Variants in NWD2 observed in about 807,000 individuals in gnomAD.
NWD2 encodes NACHT and WD repeat domain-containing protein 2.
A neutral mutation model predicts 132.7 loss-of-function variants in NWD2; 37 were observed. That is an observed-to-expected ratio of 0.28 (90% CI 0.21 to 0.37). The LOEUF is 0.37. Ranked by LOEUF, NWD2 falls within the 10% of genes least tolerant of loss-of-function variation. The pLI is 1.00. For synonymous variants in NWD2, 705 were observed against 803.0 expected, an observed-to-expected ratio of 0.88 and a Z score of 2.06; for missense variants, 1,592 against 2,122.4, an observed-to-expected ratio of 0.75 and a Z score of 4.91.
chr4:37,247,657 T>G (rs1354755608), intron 1 of NWD2, among the ~76,000 whole-genome samples: 3 of 152,090 alleles, frequency 2.0e-5, no homozygotes, highest in African/African-American at 4.8e-5. Context: ...TCACCCAGGC[T>G]GGAGTGCAGT....
chr4:37,260,587 A>G (rs1295112844), intron 1 of NWD2, among the ~76,000 whole-genome samples: 11 of 152,218 alleles, frequency 7.2e-5, no homozygotes, highest in Admixed American at 5.9e-4. Flanking sequence ...GTATTCATAC[A>G]TGTAAACTAT....
intron 3 of NWD2, among the ~76,000 whole-genome samples, chr4:37,394,388 C>G: frequency 6.6e-6 from 1 of 151,552 alleles, no homozygotes; most frequent in South Asian, 2.1e-4. Context: ...ACATAAATAA[C>G]AGTTATTGAT....
chr4:37,356,572 T>C, intron 3 of NWD2, 90 bp downstream of exon 3: 1 of 850,348 alleles, frequency 1.2e-6, no homozygotes, highest in Non-Finnish European at 1.8e-6. Flanking sequence ...GTTTTTTAAA[T>C]GAGGGGGAAA....
At chr4:37,389,785 A>ATTT (rs5857564) in intron 3 of NWD2, among the ~76,000 whole-genome samples, 8 of 149,314 alleles carry the variant, frequency 5.4e-5, no homozygotes, top group African/African-American at 2.0e-4. Context: ...AATCATACGC[A>ATTT]TTTTTTTTTT....
In NWD2 at chr4:37,416,777, G is replaced by A. The variant is rs527877015; in HGVS notation, c.358-13795G>A. On this transcript the variant is annotated intron_variant, in intron 3 of 6. Transcript: ENST00000309447. ...TAGAATACTACTCAGCTATAAAAAG[G>A]AATGAAATAATGGTATTTGCAGCAA... Among the ~76,000 whole-genome samples the A allele has an allele frequency of 4.6e-5, 7 of 152,306 alleles. No homozygotes were observed. In the South Asian group the frequency reaches 1.5e-3, roughly 32 times the overall value.
chr4:37,432,387 G>T (rs892208789), intron 4 of NWD2, among the ~76,000 whole-genome samples: 19 of 140,912 alleles, frequency 1.3e-4, no homozygotes, highest in Non-Finnish European at 2.0e-4. Context: ...AAAAAATCAA[G>T]AAAATTGATC....
At position 37,445,873 on chromosome 4, in the gene NWD2, T is replaced by C. The variant is rs1712622497; in HGVS notation, c.3885T>C (p.Ser1295=). 6.4e-7 allele frequency: 1 copy of C among 1,551,838 alleles called. No individual in the cohort carries two copies. Among genetic ancestry groups the C allele is most frequent in the African/African-American group, 1.4e-5 (1 of 73,016 alleles). ...ATATGCTACTGTCTTTATCAACCAG[T>C]GGTGTTCTTTCCATTTGGGACATAG... The part of the protein sequence containing the change: ...HHNMLLSLST[S]GVLSIWDIDI... The change falls in exon 7 of 7, where the codon AGT becomes AGC. Residue 1295 remains serine, a synonymous_variant. Transcript: ENST00000309447. The surrounding 1 kb of genome is among the most constrained non-coding windows in gnomAD (Gnocchi z 4.7).
chr4:37,418,023 C>T (rs1303245467), intron 3 of NWD2, among the ~76,000 whole-genome samples: 2 of 152,082 alleles, frequency 1.3e-5, no homozygotes, highest in Non-Finnish European at 1.5e-5. Context: ...GTAGCAACAA[C>T]AACATCTAGC....
At chr4:37,249,041 G>C (rs1270811580) in intron 1 of NWD2, among the ~76,000 whole-genome samples, 1 of 152,226 alleles carries the variant, frequency 6.6e-6, no homozygotes, top group African/African-American at 2.4e-5. Flanking sequence ...ATGTCTATCT[G>C]ATATGGTAAC....
intron 3 of NWD2, among the ~76,000 whole-genome samples, chr4:37,388,665 T>C (rs988538462): frequency 1.4e-5 from 2 of 147,652 alleles, no homozygotes; most frequent in South Asian, 4.2e-4. Context: ...ATATATATCA[T>C]ATATAAATAT....
intron 3 of NWD2, among the ~76,000 whole-genome samples, chr4:37,363,478 C>A (rs1720023520): frequency 1.3e-5 from 2 of 152,272 alleles, no homozygotes; most frequent in South Asian, 4.1e-4. Context: ...AAATTATGTT[C>A]TTTGTAGCAA....
Position 37,443,131 on chromosome 4 carries a change from T to G in NWD2, c.1297-154T>G, listed in dbSNP as rs1390494902. Among the ~76,000 whole-genome samples, 1 of 152,224 alleles carries G rather than the reference T, an allele frequency of 6.6e-6. No homozygotes were observed. Among genetic ancestry groups the G allele is most frequent in the Non-Finnish European group, 1.5e-5 (1 of 68,040 alleles). On this transcript the variant is annotated intron_variant, in intron 6 of 6. Transcript: ENST00000309447. The surrounding 1 kb of genome is among the most constrained non-coding windows in gnomAD (Gnocchi z 4.1). ...GTACACAAGCTTCATGGCAGTTCTT[T>G]GGCCTTCTCAGAGGGTTTTTCCAAT... is the stretch of plus-strand genomic sequence containing the variant.
At chr4:37,420,320 T>G (rs952833091) in intron 3 of NWD2, among the ~76,000 whole-genome samples, 1 of 152,190 alleles carries the variant, frequency 6.6e-6, no homozygotes, top group Non-Finnish European at 1.5e-5. Flanking sequence ...GATCCTCAAC[T>G]CCACCCTCTT....
intron 2 of NWD2, among the ~76,000 whole-genome samples, chr4:37,342,852 C>G (rs945249296): frequency 6.6e-5 from 10 of 152,180 alleles, no homozygotes; most frequent in Non-Finnish European, 1.5e-4. Flanking sequence ...TTGTTGGTCT[C>G]CTTCTTTCTA....
At chr4:37,385,971 A>C (rs2109310025) in intron 3 of NWD2, among the ~76,000 whole-genome samples, 1 of 152,286 alleles carries the variant, frequency 6.6e-6, no homozygotes, top group South Asian at 2.1e-4. Context: ...AGAAATACTT[A>C]ATTTGGAGAT....
chr4:37,265,474 C>A (rs559707851), intron 1 of NWD2, among the ~76,000 whole-genome samples: 10 of 152,110 alleles, frequency 6.6e-5, no homozygotes, highest in Non-Finnish European at 1.5e-4. Flanking sequence ...AATTCAGTTT[C>A]ACTGGTCTGA....
At chr4:37,391,875 CAT>C (rs79030443) in intron 3 of NWD2, among the ~76,000 whole-genome samples, 36,591 of 152,048 alleles carry the variant, frequency 0.24, 5,112 homozygotes, top group Admixed American at 0.31. Flanking sequence ...ATATTCTGCA[CAT>C]GTCTTCATCA....
intron 3 of NWD2, among the ~76,000 whole-genome samples, chr4:37,369,807 T>C (rs1432371811): frequency 6.6e-6 from 1 of 152,214 alleles, no homozygotes; most frequent in African/African-American, 2.4e-5. Context: ...AAATATTCTC[T>C]TCCCTGCTTG....
chr4:37,396,073 C>T (rs1720787105), intron 3 of NWD2, among the ~76,000 whole-genome samples: 1 of 152,186 alleles, frequency 6.6e-6, no homozygotes, highest in African/African-American at 2.4e-5. Context: ...TTGAGCTCAG[C>T]CCCTTCAGTA....
Sources: gnomAD v4.1 joint callset for allele counts (sites outside exome capture counted in the v4.1 genomes callset) on GRCh38, gnomAD v4.1.1 for gene constraint, Gnocchi (gnomAD v3.1) non-coding constraint, MANE v1.5 for transcripts, NCBI Gene and HGNC (gene_info 2026-07-23, HGNC 2026-07-21) for gene names.